The following KCNIP1 variants were observed in gnomAD, a reference collection of about 807,000 sequenced individuals.
KCNIP1 encodes potassium voltage-gated channel interacting protein 1.
Under a neutral mutation model 33.0 loss-of-function variants are expected in KCNIP1, and 18 were observed. That is an observed-to-expected ratio of 0.55 (90% CI 0.38 to 0.81). The LOEUF is 0.81. Ranked by LOEUF, KCNIP1 falls within the 30% of genes least tolerant of loss-of-function variation. The probability of loss-of-function intolerance (pLI) is 0.00; values close to 1 mark genes in which losing one functional copy is unlikely to be tolerated. For missense variants in KCNIP1, 238 were observed against 271.6 expected (o/e 0.88, Z 0.87); for synonymous variants, 93 against 98.3 (o/e 0.95, Z 0.32).
At chr5:170,492,193 A>G (rs1057499666) in intron 1 of KCNIP1, among the ~76,000 whole-genome samples, 5 of 152,200 alleles carry the variant, frequency 3.3e-5, no homozygotes, top group Admixed American at 6.5e-5. Context: ...CCAACCAGCT[A>G]TAAGTCAAGG....
chr5:170,622,931 G>A (rs1759663492), intron 1 of KCNIP1, among the ~76,000 whole-genome samples: 1 of 152,224 alleles, frequency 6.6e-6, no homozygotes, highest in African/African-American at 2.4e-5. Context: ...TCCACGGACA[G>A]GGTGTGTGGG....
At chr5:170,636,257 G>A (rs1008175715) in intron 1 of KCNIP1, among the ~76,000 whole-genome samples, 1 of 152,180 alleles carries the variant, frequency 6.6e-6, no homozygotes, top group Non-Finnish European at 1.5e-5. Flanking sequence ...AAGCTGTGAC[G>A]CTAGATGGGT....
Position 170,398,551 on chromosome 5 carries a change from T to C in KCNIP1, c.88+44587T>C, listed in dbSNP as rs75568842. Among the ~76,000 whole-genome samples, 419 of 152,366 alleles carry C rather than the reference T, an allele frequency of 2.7e-3. 4 individuals are homozygous for C. Among genetic ancestry groups the C allele is most frequent in the African/African-American group, 9.6e-3 (398 of 41,590 alleles). ...GTTTTTAAATTTGCTTTCTTTAGATTACTAGCAAGATTGTACAGTCCTTTA... is the reference window on the plus strand; with the variant it reads ...GTTTTTAAATTTGCTTTCTTTAGATCACTAGCAAGATTGTACAGTCCTTTA... On this transcript the variant is annotated intron_variant, in intron 1 of 7. Coordinates refer to the KCNIP1 transcript ENST00000377360.
intron 1 of KCNIP1, among the ~76,000 whole-genome samples, chr5:170,360,955 A>G (rs1439417145): frequency 6.6e-6 from 1 of 152,192 alleles, no homozygotes; most frequent in Non-Finnish European, 1.5e-5. Flanking sequence ...ACCACTCCCT[A>G]TCTCCCTTGT....
exon 1 of KCNIP1, chr5:170,353,658 G>A (rs1316259752): frequency 1.7e-6 from 1 of 594,026 alleles, no homozygotes; most frequent in Non-Finnish European, 3.0e-6. Flanking sequence ...CAGCAGGAGT[G>A]GGTGGAGAGA....
chr5:170,400,344 G>A (rs1754869450), intron 1 of KCNIP1, among the ~76,000 whole-genome samples: 2 of 152,094 alleles, frequency 1.3e-5, no homozygotes, highest in South Asian at 4.2e-4. Context: ...TTCACAAGGT[G>A]GCAGGAAAAA....
At chr5:170,372,974 G>T (rs2113311401) in intron 1 of KCNIP1, among the ~76,000 whole-genome samples, 1 of 152,330 alleles carries the variant, frequency 6.6e-6, no homozygotes, top group East Asian at 1.9e-4. Flanking sequence ...CTCTGCAACT[G>T]GGGGAGATGC....
chr5:170,496,802 G>A (rs556609898), intron 1 of KCNIP1, among the ~76,000 whole-genome samples: 72 of 152,196 alleles, frequency 4.7e-4, no homozygotes, highest in Non-Finnish European at 9.0e-4. Flanking sequence ...CCGGAAATGC[G>A]GTTGCCCAGG....
chr5:170,650,678 A>G (rs773283194), intron 1 of KCNIP1, among the ~76,000 whole-genome samples: 2 of 152,252 alleles, frequency 1.3e-5, no homozygotes, highest in Non-Finnish European at 2.9e-5. Context: ...TTGGGCAAAT[A>G]CCTAGGGGTG....
chr5:170,353,841 G>C (rs758981124), exon 1 of KCNIP1: 1 of 1,602,740 alleles, frequency 6.2e-7, no homozygotes, highest in South Asian at 1.1e-5. Context: ...GTCCCTTCTG[G>C]GTGCTGACAG....
intron 1 of KCNIP1, among the ~76,000 whole-genome samples, chr5:170,677,258 C>T (rs937499282): frequency 6.6e-6 from 1 of 152,196 alleles, no homozygotes; most frequent in Non-Finnish European, 1.5e-5. Context: ...AGTAACTCAT[C>T]ATAGTCACAG....
intron 1 of KCNIP1, among the ~76,000 whole-genome samples, chr5:170,580,099 C>T (rs1757737263): frequency 6.6e-6 from 1 of 152,080 alleles, no homozygotes; most frequent in Admixed American, 6.5e-5. Flanking sequence ...GCTACTGGTC[C>T]CCTGGACGCT....
intron 1 of KCNIP1, among the ~76,000 whole-genome samples, chr5:170,458,106 C>G (rs151261280): frequency 1.4e-3 from 214 of 152,166 alleles, no homozygotes; most frequent in African/African-American, 4.9e-3. Flanking sequence ...CTTCAGAGCT[C>G]AAAGACAAGG....
chr5:170,635,021 T>C (rs560827353), intron 1 of KCNIP1, among the ~76,000 whole-genome samples: 5 of 152,266 alleles, frequency 3.3e-5, no homozygotes, highest in South Asian at 2.1e-4. Context: ...AGAAAATCTT[T>C]TATTTATTAT....
chr5:170,579,981 A>T (rs1757732983), intron 1 of KCNIP1, among the ~76,000 whole-genome samples: 1 of 152,180 alleles, frequency 6.6e-6, no homozygotes, highest in African/African-American at 2.4e-5. Context: ...AAGAAAAAAA[A>T]AAAACAAGTT....
At chr5:170,501,758 C>T (rs1355900719), upstream of KCNIP1, among the ~76,000 whole-genome samples, 1 of 152,188 alleles carries the variant, frequency 6.6e-6, no homozygotes, top group South Asian at 2.1e-4. Flanking sequence ...GCAAAGACAC[C>T]CAGGGTGGCT....
intron 1 of KCNIP1, among the ~76,000 whole-genome samples, chr5:170,476,987 T>A (rs568989226): frequency 4.4e-4 from 67 of 152,308 alleles, no homozygotes; most frequent in African/African-American, 1.6e-3. Flanking sequence ...TTAATGTCGG[T>A]TGACAGATTG....
intron 1 of KCNIP1, among the ~76,000 whole-genome samples, chr5:170,613,883 G>C (rs747591573): frequency 6.6e-6 from 1 of 152,196 alleles, no homozygotes; most frequent in South Asian, 2.1e-4. Context: ...TGGTGTCTGT[G>C]TGGCTGGCTC....
chr5:170,714,717 T>G (rs923728810), intron 1 of KCNIP1, among the ~76,000 whole-genome samples: 7 of 152,044 alleles, frequency 4.6e-5, no homozygotes, highest in Non-Finnish European at 8.8e-5. Flanking sequence ...AATAAAAAAT[T>G]TTTAAATAGA....
Sources: allele counts gnomAD v4.1 joint callset (sites outside exome capture counted in the v4.1 genomes callset), GRCh38; gene constraint gnomAD v4.1.1; transcripts MANE v1.5; gene names NCBI Gene and HGNC (gene_info 2026-07-23, HGNC 2026-07-21).